Variants in DOCK4 observed in about 807,000 individuals in gnomAD.
DOCK4 encodes the protein dedicator of cytokinesis protein 4.
A neutral mutation model predicts 268.1 loss-of-function variants in DOCK4; 97 were observed. That is an observed-to-expected ratio of 0.36 (90% CI 0.31 to 0.43). The LOEUF is 0.43. Among genes scored for constraint, DOCK4 ranks in the 20% least tolerant of loss-of-function variants. The probability of loss-of-function intolerance (pLI) is 1.00; values close to 1 mark genes in which losing one functional copy is unlikely to be tolerated. For missense variants in DOCK4, 2,145 were observed against 2,455.7 expected, an observed-to-expected ratio of 0.87 and a Z score of 2.67; for synonymous variants, 954 against 887.2, an observed-to-expected ratio of 1.08 and a Z score of -1.34.
chr7:111,732,211 A>C lies in DOCK4; in HGVS notation c.5481+15T>G. On this transcript the variant is annotated intron_variant, in intron 52 of 52. Coordinates refer to ENST00000428084, the MANE Select transcript of DOCK4 (RefSeq NM_001363540.2). Reference sequence around the variant, plus strand: ...TGGGCCAGTCTCTAGCCTCAGTCGAAAGAAGGGCCTTTACCTTCAATGGAG... The same window carrying C: ...TGGGCCAGTCTCTAGCCTCAGTCGACAGAAGGGCCTTTACCTTCAATGGAG... The C allele has an allele frequency of 6.2e-7, 1 of 1,613,692 alleles. No individual in the cohort carries two copies. The highest frequency in any genetic ancestry group is 1.1e-5 in the South Asian group (1 of 90,994).
At chr7:112,031,056 G>A (rs1254693836) in intron 1 of DOCK4, among the ~76,000 whole-genome samples, 1 of 152,162 alleles carries the variant, frequency 6.6e-6, no homozygotes, top group African/African-American at 2.4e-5. Context: ...AGGGCAGAGG[G>A]AAAAACAGCA....
intron 16 of DOCK4, among the ~76,000 whole-genome samples, chr7:111,880,279 A>G (rs1216102018): frequency 1.3e-5 from 2 of 152,184 alleles, no homozygotes; most frequent in Admixed American, 6.5e-5. Flanking sequence ...GTGGCATGAC[A>G]CCTTTAAAGT....
At chr7:112,174,883 T>C (rs1187641494) in intron 1 of DOCK4, among the ~76,000 whole-genome samples, 2 of 152,066 alleles carry the variant, frequency 1.3e-5, no homozygotes, top group African/African-American at 4.8e-5. Flanking sequence ...TGTTTTGTTT[T>C]GTTTTGTTTT....
At chr7:111,975,216 G>A (rs762765495) in intron 8 of DOCK4, among the ~76,000 whole-genome samples, 9 of 152,172 alleles carry the variant, frequency 5.9e-5, no homozygotes, top group East Asian at 5.8e-4. Flanking sequence ...GCAGTGGGCC[G>A]AGAATGTGCC....
At chr7:112,051,851 T>C (rs1242609306) in intron 1 of DOCK4, among the ~76,000 whole-genome samples, 1 of 152,124 alleles carries the variant, frequency 6.6e-6, no homozygotes, top group African/African-American at 2.4e-5. Flanking sequence ...GAAGACTTAA[T>C]TTTAATTAAA....
At chr7:111,772,533 T>C (rs1585938603) in intron 36 of DOCK4, among the ~76,000 whole-genome samples, 1 of 152,322 alleles carries the variant, frequency 6.6e-6, no homozygotes, top group Middle Eastern at 3.4e-3. Flanking sequence ...CAGTGGTTCA[T>C]ACCTGTAATC....
chr7:111,822,317 C>A, intron 27 of DOCK4, 45 bp downstream of exon 27: 1 of 1,507,632 alleles, frequency 6.6e-7, no homozygotes, highest in Admixed American at 1.8e-5. Context: ...CTCCCTTCTT[C>A]CTCTATACAT....
chr7:111,743,106 C>G (rs972317841), intron 44 of DOCK4, among the ~76,000 whole-genome samples: 2 of 152,126 alleles, frequency 1.3e-5, no homozygotes, highest in African/African-American at 4.8e-5. Flanking sequence ...AGTGAGGATC[C>G]GAAGAGATGA....
intron 1 of DOCK4, among the ~76,000 whole-genome samples, chr7:112,101,995 A>G (rs1248332303): frequency 6.6e-6 from 1 of 152,060 alleles, no homozygotes; most frequent in Admixed American, 6.6e-5. Flanking sequence ...GGCACCCGCC[A>G]CCACGCCCAG....
rs375478987 is a variant in DOCK4, at chr7:112,179,436, AT to A, written c.37+26665del. On this transcript the variant is annotated intron_variant, in intron 1 of 52. Coordinates refer to ENST00000428084, the MANE Select transcript of DOCK4 (RefSeq NM_001363540.2). ...TCTTCTAAGTGAACTCTCTAGTAGC[AT>A]TGCCTTACAGAAAAATACAATGTTA... Among the ~76,000 whole-genome samples, 36 of 151,756 alleles carry A rather than the reference AT, an allele frequency of 2.4e-4. No homozygotes were observed. The East Asian group carries it at 3.3e-3, about 14-fold the overall frequency.
chr7:111,930,286 T>C lies in DOCK4; in HGVS notation c.1066+5254A>G, dbSNP rs76959186. Among the ~76,000 whole-genome samples, 1,363 of 152,284 alleles carry C rather than the reference T, an allele frequency of 9.0e-3. 22 individuals are homozygous for C. The highest frequency in any genetic ancestry group is 0.032 in the African/African-American group (1,317 of 41,550). On this transcript the variant is annotated intron_variant, in intron 12 of 52. Coordinates refer to ENST00000428084, the MANE Select transcript of DOCK4 (RefSeq NM_001363540.2). ...TTTTCTCCCAGTTTCTAAACTCAAC[T>C]AAGATAGTGGTTAATGTACCTTTGC...
At chr7:111,761,297 TG>T (rs1797390389) in intron 39 of DOCK4, among the ~76,000 whole-genome samples, 1 of 152,156 alleles carries the variant, frequency 6.6e-6, no homozygotes, top group Non-Finnish European at 1.5e-5. Context: ...TGGCCTCAGG[TG>T]ATCTGCCTGT....
chr7:111,975,392 T>C (rs1418419673), intron 8 of DOCK4, among the ~76,000 whole-genome samples: 2 of 152,196 alleles, frequency 1.3e-5, no homozygotes, highest in Non-Finnish European at 2.9e-5. Flanking sequence ...ATACAGACAA[T>C]GTTATAAAGA....
intron 1 of DOCK4, among the ~76,000 whole-genome samples, chr7:112,152,377 GTGA>G (rs1816175466): frequency 6.6e-6 from 1 of 152,270 alleles, no homozygotes; most frequent in Admixed American, 6.5e-5. Flanking sequence ...AATAGTCATG[GTGA>G]TGATAATTGG....
intron 1 of DOCK4, among the ~76,000 whole-genome samples, chr7:112,128,404 C>T (rs923159183): frequency 2.6e-5 from 4 of 152,174 alleles, no homozygotes; most frequent in South Asian, 2.1e-4. Context: ...GCCACCACCC[C>T]GTCTGGGAGG....
Position 112,152,672 on chromosome 7 carries a change from G to A in DOCK4, c.37+53430C>T, listed in dbSNP as rs1049150983. Among the ~76,000 whole-genome samples, 4 of 152,002 alleles carry A rather than the reference G, an allele frequency of 2.6e-5. 1 individual carries two copies. The highest frequency in any genetic ancestry group is 4.1e-4 in the South Asian group (2 of 4,826). ...GTTCTTGTTTGTTTGTTTTTGTAGC[G>A]ACGGGGGTCTTGCTATGTTGCTGAG... On this transcript the variant is annotated intron_variant, in intron 1 of 52. Transcript: ENST00000428084.
intron 23 of DOCK4, among the ~76,000 whole-genome samples, chr7:111,857,829 C>T (rs1158334500): frequency 6.6e-6 from 1 of 152,172 alleles, no homozygotes; most frequent in Non-Finnish European, 1.5e-5. Flanking sequence ...TTGTCATTGC[C>T]AAAGCTGTCT....
intron 11 of DOCK4, among the ~76,000 whole-genome samples, chr7:111,936,095 T>C (rs1052412490): frequency 2.0e-5 from 3 of 152,212 alleles, no homozygotes; most frequent in East Asian, 1.9e-4. Flanking sequence ...TGGCATATAA[T>C]AAATGCTCAG....
intron 1 of DOCK4, among the ~76,000 whole-genome samples, chr7:112,074,713 T>C (rs1807907533): frequency 6.6e-6 from 1 of 152,168 alleles, no homozygotes; most frequent in African/African-American, 2.4e-5. Flanking sequence ...TGGCCAATTT[T>C]CTCACTTGCA....
Sources: allele counts gnomAD v4.1 joint callset (sites outside exome capture counted in the v4.1 genomes callset), GRCh38; gene constraint gnomAD v4.1.1; transcripts MANE v1.5; gene names NCBI Gene and HGNC (gene_info 2026-07-23, HGNC 2026-07-21).